The following SIAE variants were observed in gnomAD, a reference collection of about 807,000 sequenced individuals.
SIAE encodes the protein sialic acid acetylesterase.
SIAE carries 39 observed loss-of-function variants against 52.6 expected under a neutral mutation model. The ratio of observed to expected loss-of-function variants is 0.74; its 90% CI spans 0.57 to 0.97. SIAE has a LOEUF of 0.97. Ranked by LOEUF, SIAE falls within the 50% of genes least tolerant of loss-of-function variation. SIAE has a pLI of 0.00. For synonymous variants in SIAE, 233 were observed against 241.4 expected, an observed-to-expected ratio of 0.97 and a Z score of 0.32; for missense variants, 592 against 662.1, an observed-to-expected ratio of 0.89 and a Z score of 1.16.
chr11:124,675,244 T>C (rs745392327), upstream of SIAE: 8 of 1,607,246 alleles, frequency 5.0e-6, no homozygotes, highest in Non-Finnish European at 6.8e-6. Context: ...TTAGGTTCCA[T>C]AGGCAGTTCT....
At chr11:124,672,181 G>A (rs1943372255) in intron 1 of SIAE, among the ~76,000 whole-genome samples, 1 of 152,192 alleles carries the variant, frequency 6.6e-6, no homozygotes, top group African/African-American at 2.4e-5. Flanking sequence ...CCAAAGTGCT[G>A]GGATTAAAGG....
At chr11:124,673,607 A>AG in intron 1 of SIAE, 35 bp downstream of exon 1, 39 of 1,605,150 alleles carry the variant, frequency 2.4e-5, no homozygotes, top group Non-Finnish European at 3.2e-5. Flanking sequence ...GCACAGGCTG[A>AG]GGGGCAGGGG....
chr11:124,647,521 A>G (rs2134364028), intron 6 of SIAE, 23 bp from the exon 7 acceptor site: 4 of 1,613,906 alleles, frequency 2.5e-6, no homozygotes, highest in Non-Finnish European at 3.4e-6. Flanking sequence ...CAAATTGTAA[A>G]GGGAGTTTGG....
rs1482083529 is a variant in SIAE, at chr11:124,635,981, G to C, written c.*970C>G. 1 of 151,914 alleles carries C rather than the reference G, an allele frequency of 6.6e-6. No individual in the cohort carries two copies. Among genetic ancestry groups the C allele is most frequent in the Non-Finnish European group, 1.5e-5 (1 of 67,992 alleles). 9.4% of individuals were successfully genotyped at this position (151,914 alleles called of 1,614,324 possible). ...TGCTTGTCATGTGGCTTTACTTTCAGCCTCACTCTTTTCTTCTTCCAAATG... is the reference window on the plus strand; with the variant it reads ...TGCTTGTCATGTGGCTTTACTTTCACCCTCACTCTTTTCTTCTTCCAAATG... On this transcript the variant is annotated 3_prime_UTR_variant, in exon 10 of 10. Transcript: ENST00000263593.
chr11:124,658,226 G>C (rs1035771297), intron 3 of SIAE, among the ~76,000 whole-genome samples: 3 of 149,486 alleles, frequency 2.0e-5, no homozygotes, highest in Admixed American at 2.0e-4. Flanking sequence ...GCATGCGTGT[G>C]AGTGTGTGTC....
chr11:124,654,371 A>G, intron 4 of SIAE: 1 of 985,410 alleles, frequency 1.0e-6, no homozygotes, highest in Non-Finnish European at 1.2e-6. Context: ...GAGTGAAGGC[A>G]TCGGCGAGAG....
intron 4 of SIAE, 197 bp downstream of exon 4, chr11:124,654,458 A>G (rs1943064806): frequency 1.0e-6 from 1 of 985,368 alleles, no homozygotes; most frequent in Non-Finnish European, 1.2e-6. Context: ...TCCCCACAGC[A>G]AGAGGGAAGA....
chr11:124,655,374 A>G (rs751912683), intron 3 of SIAE, among the ~76,000 whole-genome samples: 2 of 151,970 alleles, frequency 1.3e-5, no homozygotes, highest in Non-Finnish European at 2.9e-5. Flanking sequence ...ACGGGGTTTC[A>G]CCGTGTTAGC....
At chr11:124,661,841 G>A (rs984572268) in intron 2 of SIAE, among the ~76,000 whole-genome samples, 4 of 152,180 alleles carry the variant, frequency 2.6e-5, no homozygotes, top group Non-Finnish European at 4.4e-5. Flanking sequence ...TGGAAATGGA[G>A]CATCCTAAAA....
chr11:124,635,453 A>C lies in SIAE; in HGVS notation c.*1498T>G, dbSNP rs1942708441. 2 of 152,158 alleles carry C rather than the reference A, an allele frequency of 1.3e-5. No individual in the cohort carries two copies. Among genetic ancestry groups the C allele is most frequent in the African/African-American group, 4.8e-5 (2 of 41,422 alleles). The allele number at this position is 152,158 out of a possible 1,614,324, so 9.4% of individuals were successfully genotyped here. On this transcript the variant is annotated 3_prime_UTR_variant, in exon 10 of 10. Coordinates refer to ENST00000263593, the MANE Select transcript of SIAE (RefSeq NM_170601.5). ...CCTTGGAACTCTACAGAGGGGTAGA[A>C]CTAAAGCAAAAACCATCATTCACCC... is the stretch of plus-strand genomic sequence containing the variant.
chr11:124,643,510 C>T (rs952029752), intron 7 of SIAE, among the ~76,000 whole-genome samples: 11 of 152,100 alleles, frequency 7.2e-5, no homozygotes, highest in Non-Finnish European at 2.9e-5. Flanking sequence ...CTTAGACTAG[C>T]GCAGGAGGAG....
At chr11:124,644,656 G>C (rs1180493051) in intron 7 of SIAE, among the ~76,000 whole-genome samples, 2 of 152,150 alleles carry the variant, frequency 1.3e-5, no homozygotes, top group South Asian at 2.1e-4. Context: ...TATAAAGCTG[G>C]CCACGCTCAC....
chr11:124,656,283 T>C (rs1431804633), intron 3 of SIAE, among the ~76,000 whole-genome samples: 1 of 152,256 alleles, frequency 6.6e-6, no homozygotes, highest in African/African-American at 2.4e-5. Flanking sequence ...AAATATTTTA[T>C]ATCCATGGCT....
In SIAE at chr11:124,654,710, C is replaced by T; in HGVS notation, c.489G>A (p.Glu163=). 1 of 1,614,172 alleles carries T rather than the reference C, an allele frequency of 6.2e-7. No homozygotes were observed. Among genetic ancestry groups the T allele is most frequent in the Admixed American group, 1.7e-5 (1 of 60,022 alleles). ...CCGCAACAAGGTCCTCCAGCTCCTGCTCTGCTTGAATGGGAGAGACAGAGA... is the reference window on the plus strand; with the variant it reads ...CCGCAACAAGGTCCTCCAGCTCCTGTTCTGCTTGAATGGGAGAGACAGAGA... The part of the protein sequence containing the change: ...RILSVSPIQA[E]QELEDLVAVD... The change falls in exon 4 of 10, where the codon GAG becomes GAA. Residue 163 remains glutamate, a synonymous_variant. Transcript: ENST00000263593.
intron 8 of SIAE, 148 bp downstream of exon 8, chr11:124,639,562 G>GTGTT: frequency 1.1e-6 from 1 of 918,484 alleles, no homozygotes. Flanking sequence ...GATGTTGAGG[G>GTGTT]TGTTTGCTGT....
chr11:124,641,977 A>G (rs868578160), intron 7 of SIAE, among the ~76,000 whole-genome samples: 6 of 151,386 alleles, frequency 4.0e-5, no homozygotes, highest in Non-Finnish European at 5.9e-5. Flanking sequence ...AAAAAAAAAA[A>G]AAAAGAAACC....
In SIAE at chr11:124,633,621, C is replaced by T. The variant is rs925016594; in HGVS notation, c.*3330G>A. The stretch of plus-strand genomic sequence containing the variant: ...ACACTGGCCACTGTAAACTGAGAAG[C>T]TAAGTTAACTGGTATTTTATGATTT... On this transcript the variant is annotated 3_prime_UTR_variant, in exon 10 of 10. Transcript: ENST00000263593. 6.6e-6 allele frequency: 1 copy of T among 152,198 alleles called. No homozygotes were observed. The highest frequency in any genetic ancestry group is 2.4e-5 in the African/African-American group (1 of 41,444). 9.4% of individuals were successfully genotyped at this position (152,198 alleles called of 1,614,324 possible).
At position 124,637,127 on chromosome 11, in the gene SIAE, G is replaced by A. The variant is rs1437584752; in HGVS notation, c.1396C>T (p.Leu466=). ...GTGCCATGACAAGAATCGATCGCCA[G>A]GGTCAGGGACTGGGTGGAGACGGTG... ...MNTVSTQSLT[L]AIDSCHGTVV... is the part of the protein sequence containing the mutation. Residue 466 remains leucine, a synonymous_variant, in exon 10 of 10, where the codon CTG becomes TTG. Coordinates refer to ENST00000263593, the MANE Select transcript of SIAE (RefSeq NM_170601.5). 2 of 1,614,062 alleles carry A rather than the reference G, an allele frequency of 1.2e-6. No individual in the cohort carries two copies. The highest frequency in any genetic ancestry group is 1.7e-6 in the Non-Finnish European group (2 of 1,180,030).
At chr11:124,642,157 G>C (rs1024740650) in intron 7 of SIAE, among the ~76,000 whole-genome samples, 1 of 152,032 alleles carries the variant, frequency 6.6e-6, no homozygotes, top group Non-Finnish European at 1.5e-5. Context: ...CAAGAGGAAG[G>C]GTAAAATCCA....
Sources: gnomAD v4.1 joint callset for allele counts (sites outside exome capture counted in the v4.1 genomes callset) on GRCh38, gnomAD v4.1.1 for gene constraint, MANE v1.5 for transcripts, NCBI Gene and HGNC (gene_info 2026-07-23, HGNC 2026-07-21) for gene names.